TRAF5: variants seen among roughly 807,000 people sequenced by gnomAD.
The protein encoded by TRAF5 is TNF receptor-associated factor 5.
In TRAF5, 48 loss-of-function variants were observed where a neutral mutation model predicts 64.5. That is an observed-to-expected ratio of 0.74 (90% CI 0.59 to 0.95). TRAF5 has a LOEUF of 0.95. TRAF5 is among the 40% of genes least tolerant of loss of function. The pLI is 0.00. For missense variants in TRAF5, 545 were observed against 662.8 expected (o/e 0.82, Z 1.95); for synonymous variants, 206 against 240.5 (o/e 0.86, Z 1.33).
Position 211,372,480 on chromosome 1 carries a change from G to A in TRAF5, c.1452G>A (p.Leu484=), listed in dbSNP as rs201629340. The A allele has an allele frequency of 6.8e-6, 11 of 1,614,074 alleles. No homozygotes were observed. The highest frequency in any genetic ancestry group is 1.3e-5 in the African/African-American group (1 of 74,928). The change falls in exon 11 of 11, where the codon CTG becomes CTA. Residue 484 remains leucine (L), a synonymous_variant. Transcript: ENST00000261464. ...LQWPFRQRVT[L]MLLDQSGKKN... ...GGCCATTCAGGCAGAGGGTGACCCT[G>A]ATGCTTCTGGACCAGAGTGGCAAAA...
At chr1:211,365,766 A>T (rs1047400998) in intron 8 of TRAF5, among the ~76,000 whole-genome samples, 4 of 152,212 alleles carry the variant, frequency 2.6e-5, no homozygotes, top group African/African-American at 4.8e-5. Context: ...ATGTCCTCTG[A>T]TTCTAAGTCC....
intron 1 of TRAF5, among the ~76,000 whole-genome samples, chr1:211,333,289 A>G (rs1013527039): frequency 6.6e-6 from 1 of 152,016 alleles, no homozygotes; most frequent in African/African-American, 2.4e-5. Flanking sequence ...CCCGGGTTCA[A>G]GCGATTCTCC....
chr1:211,359,895 G>A lies in TRAF5; in HGVS notation c.379-17G>A. On this transcript the variant is annotated splice_polypyrimidine_tract_variant and intron_variant, in intron 4 of 10. Coordinates refer to ENST00000261464, the MANE Select transcript of TRAF5 (RefSeq NM_001033910.3). ...CCTGGTCAGCAGGTCCCACTGGCCT[G>A]TTGTTATCTGTTGCAGGATCACCTT... The A allele has an allele frequency of 1.2e-6, 2 of 1,613,734 alleles. No individual in the cohort carries two copies. Among genetic ancestry groups the A allele is most frequent in the Middle Eastern group, 1.7e-4 (1 of 6,040 alleles).
intron 1 of TRAF5, among the ~76,000 whole-genome samples, 155 bp downstream of exon 1, chr1:211,327,044 C>T (rs1255526424): frequency 6.6e-6 from 1 of 151,864 alleles, no homozygotes; most frequent in Non-Finnish European, 1.5e-5. Context: ...GGGCGCGAGG[C>T]GGCGGCTGGG....
Position 211,344,905 on chromosome 1 carries a change from C to A in TRAF5, c.-1-8334C>A, listed in dbSNP as rs539295608. On this transcript the variant is annotated intron_variant, in intron 1 of 10. Coordinates refer to ENST00000261464, the MANE Select transcript of TRAF5 (RefSeq NM_001033910.3). ...AGTCGCTGGGACTACAGGCGTGCACCACCACACCCTGCTAATTTTATTTAT... is the reference window on the plus strand; with the variant it reads ...AGTCGCTGGGACTACAGGCGTGCACAACCACACCCTGCTAATTTTATTTAT... Among the ~76,000 whole-genome samples the A allele has an allele frequency of 3.3e-5, 5 of 152,174 alleles. No homozygotes were observed. The East Asian group carries it at 7.7e-4, about 24-fold the overall frequency.
intron 7 of TRAF5, among the ~76,000 whole-genome samples, chr1:211,362,877 G>C (rs1248082395): frequency 6.6e-6 from 1 of 151,890 alleles, no homozygotes; most frequent in African/African-American, 2.4e-5. Flanking sequence ...CAAAAAAAAG[G>C]GGGGGGCTAT....
At chr1:211,371,569 A>G in intron 10 of TRAF5, 99 bp downstream of exon 10, 1 of 1,206,504 alleles carries the variant, frequency 8.3e-7, no homozygotes, top group Non-Finnish European at 1.2e-6. Context: ...ACATCTGTCC[A>G]GGATAAACAA....
chr1:211,346,470 A>G (rs1383634220), intron 1 of TRAF5: 2 of 981,206 alleles, frequency 2.0e-6, no homozygotes, highest in African/African-American at 3.5e-5. Flanking sequence ...TGCCCTTTTC[A>G]CTCTGGGATT....
At chr1:211,358,790 A>T (rs913453726) in intron 4 of TRAF5, 8 of 136,072 alleles carry the variant, frequency 5.9e-5, no homozygotes, top group Admixed American at 2.5e-4. Context: ...AATATTAAAT[A>T]ATATTAAATA....
intron 5 of TRAF5, 99 bp downstream of exon 5, chr1:211,360,175 T>A (rs1703129848): frequency 7.7e-7 from 1 of 1,302,432 alleles, no homozygotes; most frequent in Admixed American, 2.0e-5. Context: ...ATTCCTGCAT[T>A]TATTTTTGTA....
At position 211,359,923 on chromosome 1, in the gene TRAF5, G is replaced by A. The variant is rs759893400; in HGVS notation, c.390G>A (p.Gln130=). 1 of 1,613,866 alleles carries A rather than the reference G, an allele frequency of 6.2e-7. No individual in the cohort carries two copies. The highest frequency in any genetic ancestry group is 2.2e-5 in the East Asian group (1 of 44,894). ...VILGRYQDHL[Q]QCLFQPVQCS... ...GTTATCTGTTGCAGGATCACCTTCA[G>A]CAGTGCTTATTTCAACCTGTGCAGT... The change falls in exon 5 of 11, where the codon CAG becomes CAA. Residue 130 remains glutamine, a synonymous_variant. Coordinates refer to ENST00000261464, the MANE Select transcript of TRAF5 (RefSeq NM_001033910.3).
intron 7 of TRAF5, among the ~76,000 whole-genome samples, chr1:211,363,261 T>C (rs935040611): frequency 6.6e-6 from 1 of 152,204 alleles, no homozygotes; most frequent in Non-Finnish European, 1.5e-5. Context: ...AAGATGTTTA[T>C]TCTACTATTG....
intron 7 of TRAF5, among the ~76,000 whole-genome samples, chr1:211,364,887 C>G (rs747259242): frequency 5.3e-5 from 8 of 151,756 alleles, no homozygotes; most frequent in Non-Finnish European, 1.2e-4. Context: ...AATCCTAAAG[C>G]TGGGGCCAGG....
At chr1:211,360,948 T>G in intron 6 of TRAF5, 140 bp from the exon 7 acceptor site, 1 of 1,017,268 alleles carries the variant, frequency 9.8e-7, no homozygotes, top group Non-Finnish European at 1.5e-6. Context: ...TCTCTTCAAC[T>G]TTCATCATAG....
At chr1:211,357,083 T>G (rs1484667968) in intron 4 of TRAF5, 1 of 152,226 alleles carries the variant, frequency 6.6e-6, no homozygotes, top group African/African-American at 2.4e-5. Flanking sequence ...CTGCTCTTCC[T>G]TCCAGCTAGG....
chr1:211,341,045 G>C (rs1416527675), intron 1 of TRAF5, among the ~76,000 whole-genome samples: 1 of 152,230 alleles, frequency 6.6e-6, no homozygotes. Flanking sequence ...AAGGGGGAAG[G>C]GGGAGAGAAG....
chr1:211,353,338 C>T lies in TRAF5; in HGVS notation c.99C>T (p.Tyr33=). Residue 33 remains tyrosine, a synonymous_variant, in exon 2 of 11, where the codon TAC becomes TAT. Transcript: ENST00000261464. ...ISLDFEPSIE[Y]QFVERLEERY... ...TGGACTTTGAGCCCAGTATAGAGTACCAGTTTGTGGAGCGGTTGGAAGAGC... is the reference window on the plus strand; with the variant it reads ...TGGACTTTGAGCCCAGTATAGAGTATCAGTTTGTGGAGCGGTTGGAAGAGC... 4 of 1,614,204 alleles carry T rather than the reference C, an allele frequency of 2.5e-6. No individual in the cohort carries two copies. Among genetic ancestry groups the T allele is most frequent in the Non-Finnish European group, 3.4e-6 (4 of 1,180,046 alleles).
At position 211,369,468 on chromosome 1, in the gene TRAF5, A is replaced by C; in HGVS notation, c.806A>C (p.Lys269Thr). Residue 269 changes from lysine to threonine, a missense_variant, in exon 9 of 11, where the codon AAG (lysine) becomes ACG (threonine). Transcript: ENST00000261464. ...QLEEQISDLH[K>T]SLEQKESKIQ... ...TGTTATTAGATTTCTGACTTACACAAGAGCCTAGAACAGAAAGAAAGTAAA... is the reference window on the plus strand; with the variant it reads ...TGTTATTAGATTTCTGACTTACACACGAGCCTAGAACAGAAAGAAAGTAAA... 1 of 1,591,622 alleles carries C rather than the reference A, an allele frequency of 6.3e-7. No individual in the cohort carries two copies. Among genetic ancestry groups the C allele is most frequent in the Non-Finnish European group, 8.5e-7 (1 of 1,173,208 alleles).
At chr1:211,330,007 T>A (rs150606651) in intron 1 of TRAF5, among the ~76,000 whole-genome samples, 2,481 of 152,298 alleles carry the variant, frequency 0.016, 26 homozygotes, top group Middle Eastern at 0.071. Context: ...AGAAAGTGGC[T>A]TGGAGGACCA....
Sources: allele counts gnomAD v4.1 joint callset (sites outside exome capture counted in the v4.1 genomes callset), GRCh38; gene constraint gnomAD v4.1.1; transcripts MANE v1.5; gene names NCBI Gene and HGNC (gene_info 2026-07-23, HGNC 2026-07-21).